The following GNS variants were observed in gnomAD, a reference collection of about 807,000 sequenced individuals.
GNS encodes N-acetylglucosamine-6-sulfatase.
In GNS, 40 loss-of-function variants were observed where a neutral mutation model predicts 69.7. The observed-to-expected ratio is 0.57, with a 90% CI of 0.45 to 0.75. The LOEUF (loss-of-function observed/expected upper bound fraction) is 0.75. GNS is among the 30% of genes least tolerant of loss of function. GNS has a pLI of 0.00. For missense variants in GNS, 565 were observed against 685.5 expected (o/e 0.82, Z 1.96); for synonymous variants, 243 against 251.6 (o/e 0.97, Z 0.32).
intron 1 of GNS, among the ~76,000 whole-genome samples, chr12:64,757,260 G>T (rs934895291): frequency 1.3e-5 from 2 of 151,906 alleles, no homozygotes; most frequent in African/African-American, 4.8e-5. Flanking sequence ...TACAGCTGTG[G>T]TTTATAAGAA....
In GNS at chr12:64,749,873, A is replaced by ATT. The variant is rs35784292; in HGVS notation, c.253-1957_253-1956dup. 6.7e-3 allele frequency among the ~76,000 whole-genome samples: 856 copies of ATT among 127,766 alleles called. 16 individuals carry two copies. The highest frequency in any genetic ancestry group is 0.011 in the African/African-American group (383 of 33,634). The allele number at this position is 127,766 out of a possible 152,430, so 83.8% of individuals were successfully genotyped here. A position where few individuals can be genotyped will look rare whatever the true frequency, so the allele number is the denominator to read the frequency against. On this transcript the variant is annotated intron_variant, in intron 2 of 13. Transcript: ENST00000258145. ...TTACATTTTAGCATCTGGTAGAGCA[A>ATT]TTTTTTTTTTTTTTTTTTTTGAGAC... is the stretch of plus-strand genomic sequence containing the variant.
At chr12:64,756,050 A>T (rs1870241413) in intron 1 of GNS, among the ~76,000 whole-genome samples, 1 of 152,248 alleles carries the variant, frequency 6.6e-6, no homozygotes, top group Admixed American at 6.5e-5. Flanking sequence ...AATAAAATCA[A>T]GAAAGTGATA....
At chr12:64,726,682 G>T (rs1361291045) in intron 10 of GNS, among the ~76,000 whole-genome samples, 2 of 152,054 alleles carry the variant, frequency 1.3e-5, no homozygotes, top group African/African-American at 4.8e-5. Context: ...TTTTTGTAGA[G>T]ACTGGGTCTT....
intron 2 of GNS, among the ~76,000 whole-genome samples, chr12:64,748,881 G>C (rs1017313805): frequency 2.0e-5 from 3 of 152,176 alleles, no homozygotes; most frequent in African/African-American, 7.2e-5. Context: ...CAAAAATTGG[G>C]TATTATCCTT....
intron 1 of GNS, 120 bp from the exon 2 acceptor site, chr12:64,752,877 G>A: frequency 4.3e-6 from 3 of 701,614 alleles, no homozygotes; most frequent in Non-Finnish European, 7.8e-6. Flanking sequence ...TCAGCTCTAA[G>A]CAACAGCCAA....
chr12:64,745,549 A>G, intron 4 of GNS, 110 bp downstream of exon 4: 1 of 825,454 alleles, frequency 1.2e-6, no homozygotes, highest in East Asian at 2.4e-5. Context: ...GGTTTTTAAA[A>G]TGACTAATTG....
intron 6 of GNS, among the ~76,000 whole-genome samples, chr12:64,742,106 C>T (rs561890710): frequency 5.3e-5 from 8 of 151,938 alleles, no homozygotes; most frequent in Admixed American, 1.3e-4. Context: ...CGGCAAGCTC[C>T]GCCTCCCGGG....
intron 10 of GNS, among the ~76,000 whole-genome samples, chr12:64,727,925 G>GATTT (rs929709939): frequency 1.3e-5 from 2 of 152,054 alleles, no homozygotes; most frequent in African/African-American, 4.8e-5. Context: ...AAAAAAAAAT[G>GATTT]ATTTATTTAT....
intron 1 of GNS, among the ~76,000 whole-genome samples, chr12:64,758,716 C>T (rs578180148): frequency 1.3e-5 from 2 of 152,118 alleles, no homozygotes; most frequent in Non-Finnish European, 2.9e-5. Flanking sequence ...CTGGACTTGT[C>T]TGTGATCCTC....
Position 64,745,694 on chromosome 12 carries a change from G to C in GNS, c.490C>G (p.His164Asp). 1 of 1,609,262 alleles carries C rather than the reference G, an allele frequency of 6.2e-7. No individual in the cohort carries two copies. Among genetic ancestry groups the C allele is most frequent in the South Asian group, 1.1e-5 (1 of 90,988 alleles). Reference sequence around the variant, plus strand: ...CAGTAACTCCAACCCAGAGGAACGTGTTCTAGTCCACCTGCATCTGGGGCT... The same window carrying C: ...CAGTAACTCCAACCCAGAGGAACGTCTTCTAGTCCACCTGCATCTGGGGCT... Reference protein sequence around the residue: ...YGAPDAGGLEHVPLGWSYWYA... With the variant: ...YGAPDAGGLEDVPLGWSYWYA... The change falls in exon 4 of 14, where the codon CAC becomes GAC. Residue 164 changes from histidine to aspartate, a missense_variant. His to Asp is a moderately conservative substitution (Grantham distance 81). Around this residue, in one of 2 missense-constraint regions of GNS, gnomAD observed 384 missense variants for 511.0 expected, o/e 0.75. Transcript: ENST00000258145.
intron 9 of GNS, among the ~76,000 whole-genome samples, chr12:64,731,489 CT>C (rs1489749558): frequency 7.2e-5 from 11 of 152,200 alleles, no homozygotes; most frequent in African/African-American, 2.7e-4. Context: ...CATTCCAGGA[CT>C]CCTTCTCCCT....
intron 3 of GNS, chr12:64,746,335 T>TAAGTTCAACTTATA (rs2136249243): frequency 6.5e-6 from 1 of 152,780 alleles, no homozygotes; most frequent in African/African-American, 2.4e-5. Flanking sequence ...ATTGACTTAT[T>TAAGTTCAACTTATA]ATAAGTTGAA....
intron 2 of GNS, among the ~76,000 whole-genome samples, chr12:64,751,782 T>C (rs1385986589): frequency 2.0e-5 from 3 of 149,498 alleles, no homozygotes; most frequent in Admixed American, 6.7e-5. Flanking sequence ...AGGTCAGGAG[T>C]TCAAGACCAG....
At chr12:64,752,861 A>G (rs897577877) in intron 1 of GNS, 104 bp from the exon 2 acceptor site, 17 of 728,234 alleles carry the variant, frequency 2.3e-5, no homozygotes, top group Middle Eastern at 4.5e-4. Context: ...TTTTATTCCC[A>G]AATGGTCAGC....
chr12:64,723,244 G>C, intron 10 of GNS, 131 bp from the exon 11 acceptor site: 1 of 692,888 alleles, frequency 1.4e-6, no homozygotes, highest in South Asian at 1.5e-5. Context: ...TAAAGGGAAT[G>C]ACTAAAACAG....
intron 1 of GNS, among the ~76,000 whole-genome samples, chr12:64,757,168 G>T (rs953963631): frequency 2.6e-5 from 4 of 152,142 alleles, no homozygotes; most frequent in African/African-American, 9.7e-5. Flanking sequence ...GACAGAGCAA[G>T]ACCCTGACTC....
intron 1 of GNS, among the ~76,000 whole-genome samples, chr12:64,757,727 C>T (rs889666893): frequency 6.6e-6 from 1 of 152,136 alleles, no homozygotes; most frequent in Non-Finnish European, 1.5e-5. Flanking sequence ...CACACTCACA[C>T]ACATGGACCT....
At chr12:64,730,972 C>G (rs1044065938) in intron 9 of GNS, among the ~76,000 whole-genome samples, 1 of 152,168 alleles carries the variant, frequency 6.6e-6, no homozygotes, top group African/African-American at 2.4e-5. Context: ...TAAAAAAACC[C>G]AGAGATATAA....
intron 7 of GNS, among the ~76,000 whole-genome samples, chr12:64,740,269 T>C (rs1379386313): frequency 6.6e-6 from 1 of 152,242 alleles, no homozygotes; most frequent in Non-Finnish European, 1.5e-5. Context: ...TCTAAGCTTT[T>C]GGGTCATTTG....
Sources: gnomAD v4.1 joint callset for allele counts (sites outside exome capture counted in the v4.1 genomes callset) on GRCh38, gnomAD v4.1.1 for gene constraint, gnomAD v4.1.1 regional missense constraint, MANE v1.5 for transcripts, NCBI Gene and HGNC (gene_info 2026-07-23, HGNC 2026-07-21) for gene names.